ANKRD31: variants seen among roughly 807,000 people sequenced by gnomAD.
ANKRD31 encodes ankyrin repeat domain-containing protein 31.
Under a neutral mutation model 186.0 loss-of-function variants are expected in ANKRD31, and 147 were observed. The observed-to-expected ratio is 0.79, with a 90% CI of 0.69 to 0.91. The LOEUF (loss-of-function observed/expected upper bound fraction) is 0.91. Among genes scored for constraint, ANKRD31 ranks in the 40% least tolerant of loss-of-function variants. The probability of loss-of-function intolerance (pLI) is 0.00; values close to 1 mark genes in which losing one functional copy is unlikely to be tolerated. For missense variants in ANKRD31, 1,986 were observed against 2,148.8 expected, an observed-to-expected ratio of 0.92 and a Z score of 1.50; for synonymous variants, 673 against 736.4, an observed-to-expected ratio of 0.91 and a Z score of 1.39.
chr5:75,117,688 A>G (rs952838114), intron 18 of ANKRD31, among the ~76,000 whole-genome samples: 2 of 152,108 alleles, frequency 1.3e-5, no homozygotes, highest in Non-Finnish European at 2.9e-5. Flanking sequence ...TAAAATATAA[A>G]GTATTGCTAA....
chr5:75,188,700 G>A, intron 9 of ANKRD31, 52 bp from the exon 10 acceptor site: 1 of 1,426,204 alleles, frequency 7.0e-7, no homozygotes, highest in Non-Finnish European at 9.4e-7. Context: ...AATATCAGAA[G>A]GAATACGGAT....
At chr5:75,089,003 C>CT (rs1745728210) in intron 23 of ANKRD31, among the ~76,000 whole-genome samples, 1 of 152,116 alleles carries the variant, frequency 6.6e-6, no homozygotes, top group Non-Finnish European at 1.5e-5. Context: ...GCCTGGAATG[C>CT]TTTTTCAAAT....
rs1251014628 is a variant in ANKRD31 at position 75,091,385 on chromosome 5, G to C, written c.5348C>G (p.Ala1783Gly). The stretch of plus-strand genomic sequence containing the variant: ...AAGTTTACCATTCAATAAAATACTG[G>C]CTTTGTGGGTAGTCTCCTGAAGTGA... ...EFKTQETTHK[A>G]SILLNGKLKV... Residue 1783 changes from alanine (A) to glycine (G), a missense_variant, in exon 23 of 26, where the codon GCC becomes GGC. Physicochemically the swap from Ala to Gly is moderately conservative, Grantham distance 60 (BLOSUM62 0). Transcript: ENST00000506364. The C allele has an allele frequency of 6.5e-7, 1 of 1,536,204 alleles. No homozygotes were observed. Among genetic ancestry groups the C allele is most frequent in the Non-Finnish European group, 8.7e-7 (1 of 1,146,602 alleles).
intron 17 of ANKRD31, among the ~76,000 whole-genome samples, chr5:75,123,519 C>T (rs1440868606): frequency 1.3e-5 from 2 of 151,942 alleles, no homozygotes; most frequent in African/African-American, 4.8e-5. Context: ...CTAGAGAGAG[C>T]ACATTACCTG....
chr5:75,118,007 T>G, intron 18 of ANKRD31, 128 bp downstream of exon 18: 1 of 700,952 alleles, frequency 1.4e-6, no homozygotes, highest in East Asian at 3.4e-5. Flanking sequence ...AATAATGGCT[T>G]TTGAAGAGTT....
chr5:75,137,872 G>A lies in ANKRD31; in HGVS notation c.3860C>T (p.Ala1287Val). The A allele has an allele frequency of 6.6e-7, 1 of 1,525,776 alleles. No individual in the cohort carries two copies. The highest frequency in any genetic ancestry group is 8.8e-7 in the Non-Finnish European group (1 of 1,142,120). 94.5% of individuals were successfully genotyped at this position (1,525,776 alleles called of 1,614,324 possible). A position where few individuals can be genotyped will look rare whatever the true frequency, so the allele number is the denominator to read the frequency against. ...DGILPLHDAV[A>V]NNHLKAAEIL... is the part of the protein sequence containing the mutation. ...GCACTGTACCTTTAAATGATTGTTTGCAACAGCATCATGTAAGGGCAGAAT... is the reference window on the plus strand; with the variant it reads ...GCACTGTACCTTTAAATGATTGTTTACAACAGCATCATGTAAGGGCAGAAT... The change falls in exon 17 of 26, where the codon GCA (alanine) becomes GTA (valine). Residue 1287 changes from alanine to valine, a missense_variant. Transcript: ENST00000506364.
intron 23 of ANKRD31, among the ~76,000 whole-genome samples, chr5:75,086,767 C>T (rs751139060): frequency 8.5e-5 from 13 of 152,188 alleles, no homozygotes; most frequent in Non-Finnish European, 1.5e-4. Flanking sequence ...CTGATGCTTT[C>T]CCTGAAGCTC....
chr5:75,211,005 ACTAT>A (rs1263908686), intron 3 of ANKRD31, 140 bp from the exon 4 acceptor site: 2 of 585,094 alleles, frequency 3.4e-6, no homozygotes, highest in African/African-American at 2.0e-5. Flanking sequence ...CATAAAATTT[ACTAT>A]CTATTTACTA....
intron 22 of ANKRD31, among the ~76,000 whole-genome samples, chr5:75,100,343 C>A (rs1580324582): frequency 1.3e-5 from 2 of 152,216 alleles, no homozygotes; most frequent in East Asian, 1.9e-4. Context: ...TTACTTCCAA[C>A]TATGTGGTCA....
At chr5:75,171,462 T>G (rs1753314754) in intron 10 of ANKRD31, among the ~76,000 whole-genome samples, 1 of 151,906 alleles carries the variant, frequency 6.6e-6, no homozygotes, top group African/African-American at 2.4e-5. Flanking sequence ...GATGCAACTA[T>G]TAAAGTAGTT....
chr5:75,190,012 T>C (rs550104789), intron 9 of ANKRD31, among the ~76,000 whole-genome samples: 3 of 152,058 alleles, frequency 2.0e-5, no homozygotes, highest in Non-Finnish European at 4.4e-5. Context: ...GAATTTTTTT[T>C]TTTTTTGAGA....
At chr5:75,087,293 C>T (rs1745569944) in intron 23 of ANKRD31, among the ~76,000 whole-genome samples, 2 of 152,070 alleles carry the variant, frequency 1.3e-5, no homozygotes, top group African/African-American at 4.8e-5. Context: ...GGGGGGATCC[C>T]CTGAGGTCAG....
chr5:75,168,040 A>G (rs1274218615), intron 11 of ANKRD31, among the ~76,000 whole-genome samples: 1 of 151,194 alleles, frequency 6.6e-6, no homozygotes, highest in Non-Finnish European at 1.5e-5. Flanking sequence ...CCTCTAAACT[A>G]TATGCAAAAA....
At chr5:75,180,694 A>C (rs1031815856) in intron 10 of ANKRD31, among the ~76,000 whole-genome samples, 2 of 152,228 alleles carry the variant, frequency 1.3e-5, no homozygotes, top group African/African-American at 2.4e-5. Context: ...TAGAAAGCTG[A>C]AACTGGATCC....
intron 5 of ANKRD31, among the ~76,000 whole-genome samples, chr5:75,204,204 C>A (rs1756006844): frequency 6.6e-6 from 1 of 152,166 alleles, no homozygotes; most frequent in African/African-American, 2.4e-5. Flanking sequence ...TAAACTAATT[C>A]TAAAATAACA....
chr5:75,121,055 CGCCTGT>C (rs1748731086), intron 17 of ANKRD31, among the ~76,000 whole-genome samples: 1 of 151,736 alleles, frequency 6.6e-6, no homozygotes, highest in Non-Finnish European at 1.5e-5. Flanking sequence ...TGGTGGCGTG[CGCCTGT>C]AATCCCAGCT....
intron 22 of ANKRD31, among the ~76,000 whole-genome samples, chr5:75,098,400 T>C (rs561947901): frequency 3.0e-4 from 45 of 151,718 alleles, no homozygotes; most frequent in Non-Finnish European, 5.7e-4. Context: ...CTTAGGATTG[T>C]CTTGGTGATG....
chr5:75,133,341 A>C (rs1015448695), intron 17 of ANKRD31, among the ~76,000 whole-genome samples: 7 of 152,166 alleles, frequency 4.6e-5, no homozygotes, highest in Admixed American at 6.5e-5. Flanking sequence ...GGAAAACAAA[A>C]AAAAAAACAA....
intron 6 of ANKRD31, among the ~76,000 whole-genome samples, chr5:75,198,602 C>T (rs1755621757): frequency 6.6e-6 from 1 of 152,092 alleles, no homozygotes; most frequent in Admixed American, 6.5e-5. Flanking sequence ...TTATAGAGTA[C>T]AAGTGATTTG....
Sources: gnomAD v4.1 joint callset for allele counts (sites outside exome capture counted in the v4.1 genomes callset) on GRCh38, gnomAD v4.1.1 for gene constraint, MANE v1.5 for transcripts, NCBI Gene and HGNC (gene_info 2026-07-23, HGNC 2026-07-21) for gene names.